Variants in PALLD observed in about 807,000 individuals in gnomAD.
The protein encoded by PALLD is palladin, cytoskeletal associated protein.
PALLD carries 61 observed loss-of-function variants against 123.5 expected under a neutral mutation model. That is an observed-to-expected ratio of 0.49 (90% confidence interval 0.40 to 0.61). The LOEUF (loss-of-function observed/expected upper bound fraction) is 0.61, where lower values mean the gene tolerates loss of function less well. Among genes scored for constraint, PALLD ranks in the 20% least tolerant of loss-of-function variants. The pLI is 0.00. For missense variants in PALLD, 1,273 were observed against 1,377.0 expected, an observed-to-expected ratio of 0.92 and a Z score of 1.20; for synonymous variants, 465 against 496.4, an observed-to-expected ratio of 0.94 and a Z score of 0.84.
chr4:168,921,407 A>C (rs1272085826), intron 17 of PALLD, 127 bp from the exon 18 acceptor site: 5 of 38,822 alleles, frequency 1.3e-4, no homozygotes, highest in South Asian at 1.0e-3. Context: ...AACTCTGTCC[A>C]AAAAAAAAAA....
chr4:168,583,140 T>G (rs1322388497), intron 2 of PALLD, among the ~76,000 whole-genome samples: 2 of 152,076 alleles, frequency 1.3e-5, no homozygotes, highest in African/African-American at 4.8e-5. Context: ...AAAGACCAAG[T>G]AGAATATGTA....
intron 10 of PALLD, among the ~76,000 whole-genome samples, chr4:168,721,383 A>G (rs1785999252): frequency 6.6e-6 from 1 of 152,168 alleles, no homozygotes; most frequent in African/African-American, 2.4e-5. Flanking sequence ...TTTGATGGAA[A>G]ATATGAACAA....
Position 168,562,959 on chromosome 4 carries a change from C to T in PALLD, c.908+50547C>T, listed in dbSNP as rs371705854. Among the ~76,000 whole-genome samples the T allele has an allele frequency of 1.4e-4, 21 of 152,188 alleles. No homozygotes were observed. The South Asian group carries it at 2.7e-3, about 20-fold the overall frequency. ...AAGGCAAGAGATGAGTGAATCCAAA[C>T]GGAAAATAGAAGTGGAGATGGTGAA... On this transcript the variant is annotated intron_variant, in intron 2 of 21. Transcript: ENST00000505667.
Position 168,820,254 on chromosome 4 carries a change from C to T in PALLD, c.1965-70668C>T, listed in dbSNP as rs912848108. ...CCGTGCCAAATGCTTTCCAAAGTCT[C>T]GTTGAATCCTTGCAGCAATTAATCA... On this transcript the variant is annotated intron_variant, in intron 10 of 21. Coordinates refer to ENST00000505667, the MANE Select transcript of PALLD (RefSeq NM_001166108.2). 2.6e-5 allele frequency among the ~76,000 whole-genome samples: 4 copies of T among 152,238 alleles called. No homozygotes were observed. The South Asian group carries it at 6.2e-4, about 24-fold the overall frequency.
At chr4:168,765,909 T>C (rs1733599508) in intron 10 of PALLD, among the ~76,000 whole-genome samples, 1 of 152,256 alleles carries the variant, frequency 6.6e-6, no homozygotes, top group Non-Finnish European at 1.5e-5. Context: ...GAAGAGGGTG[T>C]GTCTTTCTTG....
chr4:168,865,801 T>C (rs1213593268), intron 10 of PALLD, among the ~76,000 whole-genome samples: 1 of 152,104 alleles, frequency 6.6e-6, no homozygotes, highest in Non-Finnish European at 1.5e-5. Flanking sequence ...GGGCACATTT[T>C]AAAAATATTT....
chr4:168,691,808 T>C (rs939114576), intron 8 of PALLD, among the ~76,000 whole-genome samples: 1 of 152,160 alleles, frequency 6.6e-6, no homozygotes, highest in African/African-American at 2.4e-5. Context: ...AAAGTCATCT[T>C]GCCCCCAGAT....
chr4:168,736,753 A>G (rs984030899), intron 10 of PALLD, among the ~76,000 whole-genome samples: 2 of 152,196 alleles, frequency 1.3e-5, no homozygotes. Context: ...ATCTCCCACA[A>G]CATGTTTTAA....
rs535540374 is a variant in PALLD at position 168,681,236 on chromosome 4, T to C, written c.1088-96T>C. 1.3e-3 allele frequency: 1,041 copies of C among 787,660 alleles called. 1 individual carries two copies. The highest frequency in any genetic ancestry group is 2.0e-3 in the Non-Finnish European group (894 of 456,178). The allele number at this position is 787,660 out of a possible 1,614,324, so 48.8% of individuals were successfully genotyped here. ...TTGTGTGTTTCGGTCAAAAAGACTT[T>C]GTATGTTATTTTATTTAAGGGAAAT... On this transcript the variant is annotated intron_variant, in intron 3 of 21. Coordinates refer to ENST00000505667, the MANE Select transcript of PALLD (RefSeq NM_001166108.2).
At chr4:168,696,039 T>TA (rs35465576) in intron 8 of PALLD, among the ~76,000 whole-genome samples, 24 of 150,538 alleles carry the variant, frequency 1.6e-4, no homozygotes, top group South Asian at 6.3e-4. Flanking sequence ...CTTTTGAGCT[T>TA]AAAAAAAAAA....
intron 9 of PALLD, among the ~76,000 whole-genome samples, chr4:168,709,597 A>G (rs867077250): frequency 0.83 from 1,265 of 1,532 alleles, 519 homozygotes; most frequent in East Asian, 0.89. Context: ...GAAGGGAGGG[A>G]GGGAGGGAGG....
chr4:168,614,837 T>C (rs1158855888), intron 2 of PALLD, among the ~76,000 whole-genome samples: 1 of 152,174 alleles, frequency 6.6e-6, no homozygotes, highest in Non-Finnish European at 1.5e-5. Flanking sequence ...TCCTGCACGG[T>C]AAACCACATC....
At chr4:168,614,200 T>C (rs1362453708) in intron 2 of PALLD, among the ~76,000 whole-genome samples, 3 of 152,174 alleles carry the variant, frequency 2.0e-5, no homozygotes, top group Admixed American at 6.5e-5. Flanking sequence ...ACTCTACTGG[T>C]CTTAATCATT....
chr4:168,567,320 T>G (rs1768495126), intron 2 of PALLD, among the ~76,000 whole-genome samples: 1 of 151,270 alleles, frequency 6.6e-6, no homozygotes, highest in African/African-American at 2.4e-5. Context: ...CTCAAACAAC[T>G]CAATAAGAAA....
chr4:168,527,698 T>C (rs761863350), intron 2 of PALLD, among the ~76,000 whole-genome samples: 9 of 152,216 alleles, frequency 5.9e-5, no homozygotes, highest in Non-Finnish European at 1.3e-4. Context: ...TCATCTTTCA[T>C]AGACCCTGAC....
At chr4:168,805,618 C>T (rs1740079405) in intron 10 of PALLD, among the ~76,000 whole-genome samples, 1 of 152,056 alleles carries the variant, frequency 6.6e-6, no homozygotes, top group Non-Finnish European at 1.5e-5. Flanking sequence ...GCCCTTTCTC[C>T]CACCCACCCC....
intron 10 of PALLD, among the ~76,000 whole-genome samples, chr4:168,872,001 G>A (rs890994667): frequency 6.6e-6 from 1 of 152,192 alleles, no homozygotes; most frequent in Non-Finnish European, 1.5e-5. Flanking sequence ...GCCAGCGGCA[G>A]GAGTCAACTT....
chr4:168,645,571 C>T (rs1317095886), intron 2 of PALLD, among the ~76,000 whole-genome samples: 1 of 152,180 alleles, frequency 6.6e-6, no homozygotes, highest in Non-Finnish European at 1.5e-5. Flanking sequence ...CCCTGGGCCT[C>T]AGTTTCCTCT....
intron 15 of PALLD, among the ~76,000 whole-genome samples, chr4:168,906,208 C>T (rs761238971): frequency 1.3e-5 from 2 of 152,150 alleles, no homozygotes; most frequent in African/African-American, 4.8e-5. Flanking sequence ...TTTGCCAACA[C>T]TGGGAACCTG....
Sources: allele counts gnomAD v4.1 joint callset (sites outside exome capture counted in the v4.1 genomes callset), GRCh38; gene constraint gnomAD v4.1.1; transcripts MANE v1.5; gene names NCBI Gene and HGNC (gene_info 2026-07-23, HGNC 2026-07-21).